Variants in TSPAN18 observed in about 807,000 individuals in gnomAD.
The protein encoded by TSPAN18 is tetraspanin 18, also known as tetraspanin-18.
Under a neutral mutation model 27.3 loss-of-function variants are expected in TSPAN18, and 14 were observed. The ratio of observed to expected loss-of-function variants is 0.51; its 90% confidence interval spans 0.34 to 0.80. TSPAN18 has a LOEUF of 0.80. Ranked by LOEUF, TSPAN18 falls within the 30% of genes least tolerant of loss-of-function variation. The pLI, the probability that TSPAN18 is intolerant of heterozygous loss-of-function variation, is 0.01. For synonymous variants in TSPAN18, 143 were observed against 136.5 expected (o/e 1.05, Z -0.33); for missense variants, 268 against 323.9 (o/e 0.83, Z 1.32).
chr11:44,880,898 C>T (rs1248805299), intron 3 of TSPAN18, among the ~76,000 whole-genome samples: 2 of 152,260 alleles, frequency 1.3e-5, no homozygotes, highest in African/African-American at 4.8e-5. Flanking sequence ...GGCAACATGA[C>T]ACCTTGTGGC....
chr11:44,807,755 C>T (rs923637996), intron 2 of TSPAN18, among the ~76,000 whole-genome samples: 5 of 152,116 alleles, frequency 3.3e-5, no homozygotes, highest in Non-Finnish European at 7.4e-5. Flanking sequence ...AGCCCTCAGA[C>T]AAGTCACCTA....
intron 2 of TSPAN18, among the ~76,000 whole-genome samples, chr11:44,815,524 G>A (rs535658243): frequency 1.3e-5 from 2 of 152,288 alleles, no homozygotes; most frequent in South Asian, 4.1e-4. Flanking sequence ...GTGTGTGAAG[G>A]GGGGTCTGGG....
intron 5 of TSPAN18, among the ~76,000 whole-genome samples, chr11:44,913,939 T>C (rs1472845909): frequency 1.3e-5 from 2 of 152,250 alleles, no homozygotes; most frequent in African/African-American, 4.8e-5. Context: ...CAGGAGGACA[T>C]TTTCATGCTG....
chr11:44,744,671 G>C (rs150133208), intron 1 of TSPAN18, among the ~76,000 whole-genome samples: 1 of 152,352 alleles, frequency 6.6e-6, no homozygotes, highest in African/African-American at 2.4e-5. Context: ...TAGCTTTGCA[G>C]GGTTGGTGTG....
chr11:44,790,648 T>C (rs998423675), intron 2 of TSPAN18, among the ~76,000 whole-genome samples: 2 of 152,118 alleles, frequency 1.3e-5, no homozygotes, highest in South Asian at 2.1e-4. Context: ...GCTTGAACTA[T>C]AGGAGAACAC....
At chr11:44,843,664 C>CG (rs1857421729) in intron 2 of TSPAN18, among the ~76,000 whole-genome samples, 1 of 152,166 alleles carries the variant, frequency 6.6e-6, no homozygotes, top group Non-Finnish European at 1.5e-5. Flanking sequence ...GACAGGTACA[C>CG]GCCGGGGGGG....
At chr11:44,768,785 T>C (rs1361924105) in intron 2 of TSPAN18, among the ~76,000 whole-genome samples, 1 of 152,202 alleles carries the variant, frequency 6.6e-6, no homozygotes, top group Non-Finnish European at 1.5e-5. Context: ...TGAGAGTTTT[T>C]ATCATGAATA....
chr11:44,773,417 A>G (rs897458700), intron 2 of TSPAN18, among the ~76,000 whole-genome samples: 2 of 111,316 alleles, frequency 1.8e-5, no homozygotes, highest in African/African-American at 7.0e-5. Context: ...ACTCCATCTC[A>G]AAAAAAAACC....
In TSPAN18 at chr11:44,763,980, G is replaced by C. The variant is rs715060; in HGVS notation, c.-239-446G>C. 3.8e-3 allele frequency among the ~76,000 whole-genome samples: 585 copies of C among 152,212 alleles called. 3 individuals carry two copies. The highest frequency in any genetic ancestry group is 0.022 in the South Asian group (106 of 4,820). ...CATGACAGCATCTGCTTCTGAAGAG[G>C]CCTCAGGAAACTTACAATCATGGTG... is the stretch of plus-strand genomic sequence containing the variant. On this transcript the variant is annotated intron_variant, in intron 1 of 9. Transcript: ENST00000520358.
At chr11:44,918,666 G>T (rs573614041) in intron 6 of TSPAN18, among the ~76,000 whole-genome samples, 1 of 152,262 alleles carries the variant, frequency 6.6e-6, no homozygotes, top group African/African-American at 2.4e-5. Flanking sequence ...GGCCACCACA[G>T]CCTGTGAGCA....
chr11:44,732,606 C>A lies in TSPAN18; in HGVS notation c.-240+5319C>A, dbSNP rs575154073. 5.1e-4 allele frequency among the ~76,000 whole-genome samples: 78 copies of A among 152,200 alleles called. 2 individuals carry two copies. In the South Asian group the frequency reaches 9.8e-3, roughly 19 times the overall value. On this transcript the variant is annotated intron_variant, in intron 1 of 9. Transcript: ENST00000520358. ...GCACCTTATGAGATTCCGTTTCTGT[C>A]CTGCATGGATTACTCAGGCATTTTG... is the stretch of plus-strand genomic sequence containing the variant.
At chr11:44,917,670 A>G in intron 5 of TSPAN18, 1 of 296,450 alleles carries the variant, frequency 3.4e-6, no homozygotes, top group Non-Finnish European at 6.3e-6. Context: ...ATCTCCTTCC[A>G]GGGTGGCTGA....
chr11:44,785,671 G>C lies in TSPAN18; in HGVS notation c.-153+21159G>C, dbSNP rs545886279. On this transcript the variant is annotated intron_variant, in intron 2 of 9. Transcript: ENST00000520358. ...AATGTTGATAATGCTCCCTTTGTCT[G>C]GGGCCTCCCCCTGCCCCTTTCCTTT... 2.0e-5 allele frequency among the ~76,000 whole-genome samples: 3 copies of C among 152,114 alleles called. No individual in the cohort carries two copies. In the South Asian group the frequency reaches 6.2e-4, roughly 32 times the overall value.
intron 2 of TSPAN18, among the ~76,000 whole-genome samples, chr11:44,815,831 CAGG>C (rs1856808801): frequency 6.6e-6 from 1 of 152,054 alleles, no homozygotes; most frequent in South Asian, 2.1e-4. Context: ...CATGTGTCAT[CAGG>C]AGAAGTGTGC....
chr11:44,913,204 C>A (rs1859788589), intron 5 of TSPAN18, among the ~76,000 whole-genome samples: 1 of 152,210 alleles, frequency 6.6e-6, no homozygotes, highest in African/African-American at 2.4e-5. Context: ...TGACTTTAGT[C>A]AGCCCAGGAA....
At chr11:44,808,987 G>T (rs1463462898) in intron 2 of TSPAN18, among the ~76,000 whole-genome samples, 1 of 152,158 alleles carries the variant, frequency 6.6e-6, no homozygotes. Flanking sequence ...AGCTAACACT[G>T]ATTCTATAGC....
chr11:44,731,646 G>GAGAGAA, intron 1 of TSPAN18, among the ~76,000 whole-genome samples: 1 of 151,332 alleles, frequency 6.6e-6, no homozygotes, highest in Non-Finnish European at 1.5e-5. Flanking sequence ...GAGAGAGAGA[G>GAGAGAA]AGAGAGAGAA....
chr11:44,879,552 A>G (rs1295200088), intron 3 of TSPAN18, among the ~76,000 whole-genome samples: 1 of 152,222 alleles, frequency 6.6e-6, no homozygotes, highest in Non-Finnish European at 1.5e-5. Context: ...GGGGGAAGAG[A>G]GTCCCAGGCA....
At chr11:44,858,884 T>C (rs1456351077) in intron 2 of TSPAN18, among the ~76,000 whole-genome samples, 1 of 152,224 alleles carries the variant, frequency 6.6e-6, no homozygotes. Context: ...TGTTGTCACC[T>C]CTTTCCTGCA....
Sources: gnomAD v4.1 joint callset for allele counts (sites outside exome capture counted in the v4.1 genomes callset) on GRCh38, gnomAD v4.1.1 for gene constraint, MANE v1.5 for transcripts, NCBI Gene and HGNC (gene_info 2026-07-23, HGNC 2026-07-21) for gene names.